The following CEP131 variants were observed in gnomAD, a reference collection of about 807,000 sequenced individuals.
The protein encoded by CEP131 is centrosomal protein 131.
CEP131 carries 99 observed loss-of-function variants against 136.8 expected under a neutral mutation model. The observed-to-expected ratio is 0.72, with a 90% CI of 0.62 to 0.86. The LOEUF (loss-of-function observed/expected upper bound fraction) is 0.86, where lower values mean the gene tolerates loss of function less well. CEP131 is among the 40% of genes least tolerant of loss of function. The pLI, the probability that CEP131 is intolerant of heterozygous loss-of-function variation, is 0.00. For synonymous variants in CEP131, 646 were observed against 612.7 expected, an observed-to-expected ratio of 1.05 and a Z score of -0.80; for missense variants, 1,459 against 1,463.0, an observed-to-expected ratio of 1.00 and a Z score of 0.04.
In CEP131 at chr17:81,194,916, CTTCTCCCGGCGGGCT is replaced by C. The variant is rs2061721247; in HGVS notation, c.2058_2072del (p.Ala687_Lys691del). 1 of 1,613,536 alleles carries C rather than the reference CTTCTCCCGGCGGGCT, an allele frequency of 6.2e-7. No homozygotes were observed. The highest frequency in any genetic ancestry group is 8.5e-7 in the Non-Finnish European group (1 of 1,179,996). Reference sequence around the variant, plus strand: ...TCTTCTTGGTTTTCTCACTGATCCACTTCTCCCGGCGGGCTTTCTCGGTGGCGCTCATTAATTCTT... The same window carrying C: ...TCTTCTTGGTTTTCTCACTGATCCACTTCTCGGTGGCGCTCATTAATTCTT... On this transcript the variant is annotated inframe_deletion, in exon 17 of 26. Coordinates refer to ENST00000450824, the MANE Select transcript of CEP131 (RefSeq NM_014984.4).
chr17:81,204,929 A>T (rs2061971193), intron 5 of CEP131, among the ~76,000 whole-genome samples: 1 of 152,218 alleles, frequency 6.6e-6, no homozygotes, highest in African/African-American at 2.4e-5. Flanking sequence ...GCTGTTCAGG[A>T]ATGAGCAGCA....
chr17:81,220,046 G>T lies in CEP131; in HGVS notation c.11C>A (p.Thr4Asn). The T allele has an allele frequency of 1.3e-6, 2 of 1,585,904 alleles. No individual in the cohort carries two copies. The highest frequency in any genetic ancestry group is 2.2e-5 in the South Asian group (2 of 88,924). The change falls in exon 2 of 26, where the codon ACC becomes AAC. Residue 4 changes from threonine to asparagine, a missense_variant. Thr to Asn is a moderately conservative substitution (Grantham distance 65, BLOSUM62 0). Around this residue, in one of 3 missense-constraint regions of CEP131, gnomAD observed 187 missense variants for 179.9 expected, o/e 1.04. Coordinates refer to ENST00000450824, the MANE Select transcript of CEP131 (RefSeq NM_014984.4). ...CTCCGGGACGCTGCCGATGGCCCGG[G>T]TGCCTTTCATGGTGGACAAGGCAGG... is the stretch of plus-strand genomic sequence containing the variant. Reference protein sequence around the residue: MKGTRAIGSVPERS... With the variant: MKGNRAIGSVPERS...
chr17:81,219,998 A>C lies in CEP131; in HGVS notation c.59T>G (p.Leu20Arg), dbSNP rs549998263. ...VPERSPAGVD[L>R]SLTGLPPPVS... ...AGGCGGAGGGAGACCTGTCAGACTC[A>C]GGTCCACACCTGCTGGGCTGCGCTC... The change falls in exon 2 of 26, where the codon CTG (leucine) becomes CGG (arginine). Residue 20 changes from leucine to arginine, a missense_variant. By Grantham distance (102) the Leu-to-Arg change is moderately radical. This residue lies in a region of CEP131 where 187 missense variants were observed against 179.9 expected (regional missense o/e 1.04). Coordinates refer to ENST00000450824, the MANE Select transcript of CEP131 (RefSeq NM_014984.4). The surrounding 1 kb of genome is among the most constrained non-coding windows in gnomAD (Gnocchi z 4.0). 6.8e-6 allele frequency: 11 copies of C among 1,611,888 alleles called. No individual in the cohort carries two copies. In the East Asian group the frequency reaches 2.5e-4, roughly 36 times the overall value.
intron 4 of CEP131, 74 bp downstream of exon 4, chr17:81,207,051 G>A (rs2062022846): frequency 6.5e-7 from 1 of 1,549,974 alleles, no homozygotes; most frequent in Non-Finnish European, 8.7e-7. Flanking sequence ...TGCAAAGGCA[G>A]TGAGAACAAA....
At chr17:81,197,187 G>C (rs879804469) in intron 13 of CEP131, 132 bp from the exon 14 acceptor site, 2 of 1,350,220 alleles carry the variant, frequency 1.5e-6, no homozygotes, top group Non-Finnish European at 2.0e-6. Context: ...GTGGGAAGCC[G>C]GAGGGCAGGT....
chr17:81,199,683 C>G (rs2061846668), intron 9 of CEP131, 36 bp downstream of exon 9: 1 of 1,602,748 alleles, frequency 6.2e-7, no homozygotes, highest in South Asian at 1.1e-5. Context: ...AGGCCTGGGC[C>G]ACGGTGCTGC....
At chr17:81,192,006 CTGAG>C (rs1334182321) in intron 21 of CEP131, among the ~76,000 whole-genome samples, 3 of 152,156 alleles carry the variant, frequency 2.0e-5, no homozygotes, top group Non-Finnish European at 2.9e-5. Flanking sequence ...CTCGGTACAT[CTGAG>C]TGTCAGTGGG....
At chr17:81,200,131 C>T (rs1334586795) in intron 8 of CEP131, 198 bp downstream of exon 8, 7 of 613,528 alleles carry the variant, frequency 1.1e-5, no homozygotes, top group Non-Finnish European at 2.0e-5. Context: ...TTTCCTGACA[C>T]CCAGGCCCTG....
intron 8 of CEP131, 199 bp downstream of exon 8, chr17:81,200,130 A>G: frequency 1.6e-6 from 1 of 611,308 alleles, no homozygotes. Flanking sequence ...GTTTCCTGAC[A>G]CCCAGGCCCT....
Position 81,207,235 on chromosome 17 carries a change from T to G in CEP131, c.277A>C (p.Thr93Pro). ...AGCATCAGGAAGTCTGTGGGCTCCG[T>G]TGGCCTGCATCCGAGAGAGGGCGGC... ...SQPRSGSPRPTEPTDFLMLFE... is the reference protein window; with the variant it reads ...SQPRSGSPRPPEPTDFLMLFE... The change falls in exon 4 of 26, where the codon ACG becomes CCG. Residue 93 changes from threonine (T) to proline (P), a missense_variant. Transcript: ENST00000450824. 1 of 1,613,126 alleles carries G rather than the reference T, an allele frequency of 6.2e-7. No homozygotes were observed. Among genetic ancestry groups the G allele is most frequent in the Non-Finnish European group, 8.5e-7 (1 of 1,179,884 alleles).
chr17:81,214,494 T>G (rs1313349295), intron 2 of CEP131, among the ~76,000 whole-genome samples: 1 of 151,932 alleles, frequency 6.6e-6, no homozygotes, highest in African/African-American at 2.4e-5. Context: ...AGACAGAGAT[T>G]GCGGTGAGGT....
chr17:81,199,759 C>G lies in CEP131; in HGVS notation c.983G>C (p.Arg328Pro), dbSNP rs370591179. 6.2e-7 allele frequency: 1 copy of G among 1,611,260 alleles called. No individual in the cohort carries two copies. Among genetic ancestry groups the G allele is most frequent in the Non-Finnish European group, 8.5e-7 (1 of 1,180,010 alleles). The change falls in exon 9 of 26, where the codon CGG (arginine) becomes CCG (proline). Residue 328 changes from arginine to proline, a missense_variant. Transcript: ENST00000450824. ...QQKEAARRKA[R>P]EEKARQARRA... ...CCTGGCTTGGCGTGCCTTCTCCTCC[C>G]GGGCCTTCCTCCTGGCTGCCTCTTT...
chr17:81,206,997 G>A, intron 4 of CEP131, 126 bp from the exon 5 acceptor site: 1 of 1,520,048 alleles, frequency 6.6e-7, no homozygotes, highest in Admixed American at 2.0e-5. Context: ...CCTGGGGTCT[G>A]CCATGTCAGA....
In CEP131 at chr17:81,208,336, C is replaced by A. The variant is rs1039780503; in HGVS notation, c.272+592G>T. Among the ~76,000 whole-genome samples, 3 of 152,238 alleles carry A rather than the reference C, an allele frequency of 2.0e-5. No individual in the cohort carries two copies. The highest frequency in any genetic ancestry group is 4.4e-5 in the Non-Finnish European group (3 of 68,048). On this transcript the variant is annotated intron_variant, in intron 3 of 25. Coordinates refer to ENST00000450824, the MANE Select transcript of CEP131 (RefSeq NM_014984.4). This position sits in a 1 kb window ranked among gnomAD's most constrained non-coding sequence, Gnocchi z 5.6. ...AGGTCCACGGCCCCACAGGAGCACC[C>A]TGCTCGCTCGGGGACAATGCCTGGT... is the stretch of plus-strand genomic sequence containing the variant.
chr17:81,198,623 G>T (rs913079993), intron 11 of CEP131, among the ~76,000 whole-genome samples: 7 of 152,190 alleles, frequency 4.6e-5, no homozygotes, highest in African/African-American at 1.7e-4. Flanking sequence ...CTCTTTTGTG[G>T]ATGAGGATGC....
chr17:81,222,373 C>T (rs1334962578), intron 1 of CEP131, among the ~76,000 whole-genome samples: 1 of 152,218 alleles, frequency 6.6e-6, no homozygotes, highest in Non-Finnish European at 1.5e-5. Context: ...CACTTGTCCT[C>T]AGGGCAGCTC....
rs2062334130 is a variant in CEP131, at chr17:81,219,395, G to A, written c.177+485C>T. On this transcript the variant is annotated intron_variant, in intron 2 of 25. Coordinates refer to ENST00000450824, the MANE Select transcript of CEP131 (RefSeq NM_014984.4). The surrounding 1 kb of genome is among the most constrained non-coding windows in gnomAD (Gnocchi z 4.0). Reference sequence around the variant, plus strand: ...CGCAACCTCTGCCTCCTGGGTTCGAGCAAATCTCCTGCCTCAGCCTCCCGA... The same window carrying A: ...CGCAACCTCTGCCTCCTGGGTTCGAACAAATCTCCTGCCTCAGCCTCCCGA... Among the ~76,000 whole-genome samples the A allele has an allele frequency of 1.3e-5, 2 of 151,110 alleles. No individual in the cohort carries two copies. Among genetic ancestry groups the A allele is most frequent in the South Asian group, 4.2e-4 (2 of 4,784 alleles).
chr17:81,203,434 A>C lies in CEP131; in HGVS notation c.629+60T>G. The C allele has an allele frequency of 7.2e-7, 1 of 1,383,150 alleles. No homozygotes were observed. Among genetic ancestry groups the C allele is most frequent in the African/African-American group, 1.4e-5 (1 of 70,124 alleles). The allele number at this position is 1,383,150 out of a possible 1,614,324, so 85.7% of individuals were successfully genotyped here. On this transcript the variant is annotated intron_variant, in intron 6 of 25. Coordinates refer to ENST00000450824, the MANE Select transcript of CEP131 (RefSeq NM_014984.4). This position sits in a 1 kb window ranked among gnomAD's most constrained non-coding sequence, Gnocchi z 4.6. ...CCGAGGTCGGACCCCAGGTGCACTG[A>C]CTACATGCCCTAACTGAGGTCGGAC...
intron 15 of CEP131, among the ~76,000 whole-genome samples, 164 bp from the exon 16 acceptor site, chr17:81,196,115 GTGTGCAAACA>G (rs2061749467): frequency 6.6e-6 from 1 of 152,126 alleles, no homozygotes; most frequent in Non-Finnish European, 1.5e-5. Context: ...GGGGGGGCAC[GTGTGCAAACA>G]CGGGCCCAGG....
Sources: allele counts gnomAD v4.1 joint callset (sites outside exome capture counted in the v4.1 genomes callset), GRCh38; gene constraint gnomAD v4.1.1; regional missense constraint gnomAD v4.1.1; non-coding constraint Gnocchi (gnomAD v3.1); transcripts MANE v1.5; gene names NCBI Gene and HGNC (gene_info 2026-07-23, HGNC 2026-07-21).